The following RBM20 variants were observed in gnomAD, a reference collection of about 807,000 sequenced individuals.
The protein encoded by RBM20 is RNA binding motif protein 20, also known as RNA-binding protein 20.
RBM20 carries 51 observed loss-of-function variants against 110.1 expected under a neutral mutation model. The observed-to-expected ratio is 0.46, with a 90% CI of 0.37 to 0.59. RBM20 has a LOEUF of 0.59. Ranked by LOEUF, RBM20 falls within the 20% of genes least tolerant of loss-of-function variation. RBM20 has a pLI of 0.00. For synonymous variants in RBM20, 589 were observed against 618.2 expected, an observed-to-expected ratio of 0.95 and a Z score of 0.70; for missense variants, 1,512 against 1,574.9, an observed-to-expected ratio of 0.96 and a Z score of 0.68.
chr10:110,720,705 T>G (rs1843494948), intron 1 of RBM20, among the ~76,000 whole-genome samples: 1 of 148,604 alleles, frequency 6.7e-6, no homozygotes, highest in Non-Finnish European at 1.5e-5. Flanking sequence ...ACCCTGCCCC[T>G]GCAGCCTGCT....
chr10:110,810,331 G>T, intron 7 of RBM20, 52 bp from the exon 8 acceptor site: 2 of 1,352,262 alleles, frequency 1.5e-6, no homozygotes, highest in South Asian at 1.3e-5. Flanking sequence ...GCTTCCCTCA[G>T]GTGTTTGCAA....
At chr10:110,674,654 T>G (rs1862310831) in intron 1 of RBM20, among the ~76,000 whole-genome samples, 1 of 152,232 alleles carries the variant, frequency 6.6e-6, no homozygotes. Context: ...ATTAACAAGC[T>G]GGTAATAAGT....
chr10:110,817,830 C>T (rs1844858733), intron 9 of RBM20, among the ~76,000 whole-genome samples: 1 of 152,168 alleles, frequency 6.6e-6, no homozygotes, highest in Non-Finnish European at 1.5e-5. Context: ...TCCAGGGCTC[C>T]AGCGTTGCCG....
chr10:110,776,815 A>C (rs1364326156), intron 1 of RBM20, among the ~76,000 whole-genome samples: 1 of 152,226 alleles, frequency 6.6e-6, no homozygotes, highest in Non-Finnish European at 1.5e-5. Flanking sequence ...GGGATTATCC[A>C]CTCAATTTAA....
chr10:110,830,105 C>T (rs940339198), intron 12 of RBM20, among the ~76,000 whole-genome samples: 2 of 152,218 alleles, frequency 1.3e-5, no homozygotes, highest in Non-Finnish European at 1.5e-5. Context: ...AGGAGCAGTT[C>T]GGCTGACTCT....
At chr10:110,800,415 G>A (rs1844607341) in intron 7 of RBM20, among the ~76,000 whole-genome samples, 1 of 152,218 alleles carries the variant, frequency 6.6e-6, no homozygotes, top group African/African-American at 2.4e-5. Flanking sequence ...CATTCAAATA[G>A]TTCCAAACCA....
At chr10:110,765,144 C>T (rs1407667659) in intron 1 of RBM20, among the ~76,000 whole-genome samples, 1 of 152,098 alleles carries the variant, frequency 6.6e-6, no homozygotes, top group Non-Finnish European at 1.5e-5. Flanking sequence ...AAAGAAAAGT[C>T]GCAAGGCTAC....
chr10:110,700,139 G>A (rs1728872023), intron 1 of RBM20, among the ~76,000 whole-genome samples: 1 of 152,152 alleles, frequency 6.6e-6, no homozygotes, highest in South Asian at 2.1e-4. Flanking sequence ...GCGAAACTGT[G>A]GGTAAGGGGG....
At chr10:110,710,032 C>T (rs1343383460) in intron 1 of RBM20, among the ~76,000 whole-genome samples, 7 of 152,264 alleles carry the variant, frequency 4.6e-5, no homozygotes, top group Admixed American at 6.5e-5. Flanking sequence ...CTCACATCAG[C>T]GTTCTGTTTT....
chr10:110,646,616 T>A (rs1861871812), intron 1 of RBM20, among the ~76,000 whole-genome samples: 1 of 152,250 alleles, frequency 6.6e-6, no homozygotes, highest in South Asian at 2.1e-4. Context: ...CAAGGATGAT[T>A]TGGAGCTTGT....
chr10:110,784,985 G>T, intron 5 of RBM20, 96 bp downstream of exon 5: 1 of 785,504 alleles, frequency 1.3e-6, no homozygotes, highest in South Asian at 1.7e-5. Flanking sequence ...GGAATGCAAT[G>T]GTGCAATCAT....
intron 11 of RBM20, among the ~76,000 whole-genome samples, chr10:110,823,222 C>T (rs1044060075): frequency 2.8e-4 from 42 of 152,184 alleles, no homozygotes; most frequent in Admixed American, 2.5e-3. Flanking sequence ...GCATCAGCAG[C>T]CCATCCCCCT....
intron 12 of RBM20, 68 bp from the exon 13 acceptor site, chr10:110,830,993 G>T (rs1432632168): frequency 7.5e-6 from 11 of 1,458,996 alleles, no homozygotes; most frequent in Non-Finnish European, 1.0e-5. Context: ...CCTGATGGCT[G>T]CCAGGACACA....
At chr10:110,832,007 T>C (rs951707902) in intron 13 of RBM20, among the ~76,000 whole-genome samples, 2 of 152,238 alleles carry the variant, frequency 1.3e-5, no homozygotes, top group African/African-American at 2.4e-5. Context: ...AATCAAGTGA[T>C]GAGACTCCAT....
chr10:110,697,505 G>A lies in RBM20; in HGVS notation c.191+52860G>A, dbSNP rs115824287. 4.8e-3 allele frequency among the ~76,000 whole-genome samples: 726 copies of A among 152,356 alleles called. 10 individuals are homozygous for A. Among genetic ancestry groups the A allele is most frequent in the African/African-American group, 0.016 (683 of 41,578 alleles). The stretch of plus-strand genomic sequence containing the variant: ...TGAGCCAGGCCCATGCCAAGAGCTG[G>A]GATACAGAGGTGTGCCCAGGCAGAG... On this transcript the variant is annotated intron_variant, in intron 1 of 13. Coordinates refer to ENST00000369519, the MANE Select transcript of RBM20 (RefSeq NM_001134363.3).
chr10:110,773,886 G>A (rs1420840509), intron 1 of RBM20, among the ~76,000 whole-genome samples: 5 of 152,170 alleles, frequency 3.3e-5, no homozygotes, highest in Admixed American at 2.6e-4. Flanking sequence ...GAGCACAGTG[G>A]ACTGAAAGCC....
chr10:110,714,170 T>G (rs946033667), intron 1 of RBM20, among the ~76,000 whole-genome samples: 2 of 152,098 alleles, frequency 1.3e-5, no homozygotes, highest in Non-Finnish European at 2.9e-5. Context: ...TAGTTGGGAT[T>G]AGGGAATGGT....
intron 1 of RBM20, among the ~76,000 whole-genome samples, chr10:110,746,963 A>G (rs1249414098): frequency 2.6e-5 from 4 of 152,190 alleles, no homozygotes; most frequent in South Asian, 4.1e-4. Flanking sequence ...TACCCTCTGC[A>G]CCATTATAGT....
chr10:110,678,604 C>T (rs903881261), intron 1 of RBM20, among the ~76,000 whole-genome samples: 7 of 152,176 alleles, frequency 4.6e-5, no homozygotes, highest in Non-Finnish European at 1.0e-4. Flanking sequence ...TACTCTTCAT[C>T]CTGCCACCCA....
Sources: gnomAD v4.1 joint callset for allele counts (sites outside exome capture counted in the v4.1 genomes callset) on GRCh38, gnomAD v4.1.1 for gene constraint, MANE v1.5 for transcripts, NCBI Gene and HGNC (gene_info 2026-07-23, HGNC 2026-07-21) for gene names.